PRKCA: variants seen among roughly 807,000 people sequenced by gnomAD.
The protein encoded by PRKCA is protein kinase C alpha type.
In PRKCA, 27 loss-of-function variants were observed where a neutral mutation model predicts 87.0. The ratio of observed to expected loss-of-function variants is 0.31; its 90% CI spans 0.23 to 0.43. PRKCA has a LOEUF of 0.43. Among genes scored for constraint, PRKCA ranks in the 20% least tolerant of loss-of-function variants. The pLI, the probability that PRKCA is intolerant of heterozygous loss-of-function variation, is 1.00. For synonymous variants in PRKCA, 329 were observed against 311.1 expected (o/e 1.06, Z -0.61); for missense variants, 518 against 852.3 (o/e 0.61, Z 4.88).
intron 8 of PRKCA, chr17:66,703,211 A>G (rs528846885): frequency 2.0e-5 from 3 of 152,242 alleles, no homozygotes; most frequent in Non-Finnish European, 4.4e-5. Context: ...AATAACACTT[A>G]AAACACAAAT....
intron 2 of PRKCA, among the ~76,000 whole-genome samples, chr17:66,448,563 T>C (rs1914152487): frequency 6.6e-6 from 1 of 152,152 alleles, no homozygotes; most frequent in Non-Finnish European, 1.5e-5. Flanking sequence ...TTATAGTATA[T>C]ATTAAAATAA....
chr17:66,654,300 T>TA (rs1432873327), intron 5 of PRKCA, among the ~76,000 whole-genome samples: 4 of 152,204 alleles, frequency 2.6e-5, no homozygotes, highest in Non-Finnish European at 4.4e-5. Context: ...CTTGAATGCT[T>TA]AGATCCTGTG....
At chr17:66,756,878 G>A (rs780936543) in intron 13 of PRKCA, among the ~76,000 whole-genome samples, 30 of 152,116 alleles carry the variant, frequency 2.0e-4, no homozygotes, top group Non-Finnish European at 3.8e-4. Flanking sequence ...GCCCAGGCTG[G>A]TCTTGAACTC....
intron 2 of PRKCA, among the ~76,000 whole-genome samples, chr17:66,397,650 A>G (rs1381787372): frequency 6.6e-6 from 1 of 151,888 alleles, no homozygotes; most frequent in Admixed American, 6.6e-5. Context: ...TAAGTTCAGC[A>G]CTAGTTTTGT....
chr17:66,742,893 C>A, intron 13 of PRKCA, 133 bp downstream of exon 13: 1 of 976,700 alleles, frequency 1.0e-6, no homozygotes, highest in African/African-American at 1.6e-5. Flanking sequence ...CTAAACTGGA[C>A]AAAACAGACT....
At chr17:66,776,157 G>A (rs963982538) in intron 14 of PRKCA, among the ~76,000 whole-genome samples, 4 of 152,220 alleles carry the variant, frequency 2.6e-5, no homozygotes, top group Non-Finnish European at 5.9e-5. Flanking sequence ...GGAGTAGGAG[G>A]CCTGAGGCCA....
At chr17:66,731,351 G>GGAA (rs548166884) in intron 8 of PRKCA, among the ~76,000 whole-genome samples, 6 of 112,464 alleles carry the variant, frequency 5.3e-5, no homozygotes, top group African/African-American at 2.3e-4. Context: ...CTCCGTCTCA[G>GGAA]AAAAAAAAAA....
intron 2 of PRKCA, among the ~76,000 whole-genome samples, chr17:66,313,689 CA>C (rs1440535978): frequency 6.6e-6 from 1 of 152,244 alleles, no homozygotes; most frequent in Non-Finnish European, 1.5e-5. Flanking sequence ...GCTCAATCAT[CA>C]TGCTCCAGAG....
chr17:66,696,651 G>A (rs1972929491), intron 8 of PRKCA, among the ~76,000 whole-genome samples: 1 of 152,194 alleles, frequency 6.6e-6, no homozygotes, highest in Non-Finnish European at 1.5e-5. Context: ...AGCATTCTTA[G>A]AACTCTGTTT....
rs529632244 is a variant in PRKCA, at chr17:66,606,284, A to T, written c.289-35071A>T. Among the ~76,000 whole-genome samples the T allele has an allele frequency of 4.6e-4, 70 of 152,290 alleles. No homozygotes were observed. In the South Asian group the frequency reaches 0.013, roughly 29 times the overall value. On this transcript the variant is annotated intron_variant, in intron 3 of 16. Transcript: ENST00000413366. ...GTGCCTGTAATCCCAGCTACTCGGG[A>T]GGCTGAGGCAGGAGAATCGCTTGAA...
chr17:66,580,320 A>G (rs898851812), intron 3 of PRKCA, among the ~76,000 whole-genome samples: 3 of 152,194 alleles, frequency 2.0e-5, no homozygotes, highest in East Asian at 3.9e-4. Flanking sequence ...CAGCAGGCCA[A>G]TCTGTGCACG....
chr17:66,463,384 T>A (rs1004991350), intron 2 of PRKCA, among the ~76,000 whole-genome samples: 1 of 120,002 alleles, frequency 8.3e-6, no homozygotes, highest in Non-Finnish European at 1.7e-5. Flanking sequence ...GATTCTGTGT[T>A]TTTTTTTTTT....
intron 2 of PRKCA, among the ~76,000 whole-genome samples, chr17:66,382,959 A>G (rs531971128): frequency 7.9e-6 from 1 of 125,866 alleles, no homozygotes; most frequent in South Asian, 2.5e-4. Context: ...TAATTGCGTT[A>G]TGATGGTGTA....
chr17:66,654,060 T>C (rs1971663886), intron 5 of PRKCA, among the ~76,000 whole-genome samples: 1 of 152,152 alleles, frequency 6.6e-6, no homozygotes, highest in Admixed American at 6.5e-5. Context: ...CTTTTGTAGA[T>C]GGAGAAGTAA....
intron 13 of PRKCA, 56 bp downstream of exon 13, chr17:66,742,816 C>A: frequency 6.3e-7 from 1 of 1,588,046 alleles, no homozygotes; most frequent in Non-Finnish European, 8.6e-7. Context: ...TAAACGCAGC[C>A]CTCTCATGGG....
chr17:66,662,735 T>C (rs927391750), intron 5 of PRKCA, among the ~76,000 whole-genome samples: 5 of 151,566 alleles, frequency 3.3e-5, no homozygotes, highest in Admixed American at 1.3e-4. Context: ...ATCATACCTG[T>C]AATTAATGTT....
intron 3 of PRKCA, among the ~76,000 whole-genome samples, chr17:66,629,035 CA>C (rs1288269802): frequency 6.6e-6 from 1 of 151,724 alleles, no homozygotes; most frequent in Non-Finnish European, 1.5e-5. Flanking sequence ...GTCTCAAAAA[CA>C]AAAAAAGAAA....
intron 2 of PRKCA, among the ~76,000 whole-genome samples, chr17:66,428,564 C>T (rs1465211240): frequency 1.3e-5 from 2 of 150,424 alleles, no homozygotes; most frequent in African/African-American, 4.9e-5. Context: ...AGTGCAGTGG[C>T]ACAATCTTGG....
At chr17:66,403,570 C>T (rs1911162366) in intron 2 of PRKCA, 1 of 152,160 alleles carries the variant, frequency 6.6e-6, no homozygotes, top group Non-Finnish European at 1.5e-5. Flanking sequence ...TTACTTAAAA[C>T]CCATTAAAGC....
Sources: gnomAD v4.1 joint callset for allele counts (sites outside exome capture counted in the v4.1 genomes callset) on GRCh38, gnomAD v4.1.1 for gene constraint, MANE v1.5 for transcripts, NCBI Gene and HGNC (gene_info 2026-07-23, HGNC 2026-07-21) for gene names.